Variants in GLIS2 observed in about 807,000 individuals in gnomAD.
The protein encoded by GLIS2 is zinc finger protein GLIS2.
In GLIS2, 14 loss-of-function variants were observed where a neutral mutation model predicts 35.6. That is an observed-to-expected ratio of 0.39 (90% CI 0.26 to 0.61). The LOEUF is 0.61. GLIS2 is among the 20% of genes least tolerant of loss of function. The pLI is 0.48. For synonymous variants in GLIS2, 368 were observed against 325.1 expected (o/e 1.13, Z -1.42); for missense variants, 675 against 713.4 (o/e 0.95, Z 0.61).
chr16:4,322,629 C>CA (rs2053390145), intron 1 of GLIS2, among the ~76,000 whole-genome samples: 1 of 152,036 alleles, frequency 6.6e-6, no homozygotes, highest in Admixed American at 6.5e-5. Flanking sequence ...CAGCCCCCCC[C>CA]CTACACTGTT....
rs2141120096 is a variant in GLIS2, at chr16:4,320,010, G to C, written c.-67+3756G>C. ...ATCTGCCCCAGCAGCCCCTGCTGGG[G>C]GATGGGTGGGGGCTGAGACTCTTCC... On this transcript the variant is annotated intron_variant, in intron 1 of 6. Coordinates refer to ENST00000433375, the MANE Select transcript of GLIS2 (RefSeq NM_032575.3). This position sits in a 1 kb window ranked among gnomAD's most constrained non-coding sequence, Gnocchi z 5.6. Among the ~76,000 whole-genome samples the C allele has an allele frequency of 6.6e-6, 1 of 151,964 alleles. No homozygotes were observed. Among genetic ancestry groups the C allele is most frequent in the African/African-American group, 2.4e-5 (1 of 41,490 alleles).
At chr16:4,323,470 G>C (rs2053398796) in intron 1 of GLIS2, among the ~76,000 whole-genome samples, 1 of 152,124 alleles carries the variant, frequency 6.6e-6, no homozygotes, top group African/African-American at 2.4e-5. Flanking sequence ...CGGGGGGGTG[G>C]AGGCCACTGC....
intron 1 of GLIS2, among the ~76,000 whole-genome samples, chr16:4,321,192 G>C (rs910596987): frequency 6.6e-6 from 1 of 152,148 alleles, no homozygotes; most frequent in Non-Finnish European, 1.5e-5. Flanking sequence ...ATGGAGCTGG[G>C]GGGGATCTGG....
chr16:4,329,807 A>C (rs1401661675), intron 1 of GLIS2, among the ~76,000 whole-genome samples: 1 of 152,248 alleles, frequency 6.6e-6, no homozygotes, highest in Non-Finnish European at 1.5e-5. Flanking sequence ...TCACAGCGTG[A>C]TTGTGCGGCA....
At chr16:4,327,725 G>C (rs2053449263) in intron 1 of GLIS2, among the ~76,000 whole-genome samples, 1 of 151,772 alleles carries the variant, frequency 6.6e-6, no homozygotes, top group South Asian at 2.1e-4. Context: ...GAAGGGCAGG[G>C]CCCGGTCCCC....
intron 6 of GLIS2, chr16:4,336,230 T>C: frequency 3.7e-6 from 1 of 272,198 alleles, no homozygotes; most frequent in Non-Finnish European, 7.3e-6. Context: ...CACTGCAACC[T>C]CTGCCTCCCA....
At position 4,335,087 on chromosome 16, in the gene GLIS2, G is replaced by C. The variant is rs1304012061; in HGVS notation, c.550G>C (p.Asp184His). 2 of 1,613,502 alleles carry C rather than the reference G, an allele frequency of 1.2e-6. No homozygotes were observed. Among genetic ancestry groups the C allele is most frequent in the East Asian group, 2.2e-5 (1 of 44,886 alleles). Residue 184 changes from aspartate (D) to histidine (H), a missense_variant, in exon 5 of 7, where the codon GAC becomes CAC. Coordinates refer to ENST00000433375, the MANE Select transcript of GLIS2 (RefSeq NM_032575.3). This position sits in a 1 kb window ranked among gnomAD's most constrained non-coding sequence, Gnocchi z 4.6. ...KCNQLFELLQ[D>H]LVDHVNDYHV... is the part of the protein sequence containing the mutation. ...TAACCAGCTCTTTGAGCTCCTGCAA[G>C]ACCTGGTGGACCATGTCAACGATTA...
chr16:4,330,853 C>T (rs146113194), intron 1 of GLIS2, among the ~76,000 whole-genome samples: 158 of 152,330 alleles, frequency 1.0e-3, no homozygotes, highest in African/African-American at 3.6e-3. Context: ...ATCTCTGCAG[C>T]GCTGTGACAT....
chr16:4,334,106 CT>C (rs1315648324), intron 3 of GLIS2, among the ~76,000 whole-genome samples: 2 of 151,816 alleles, frequency 1.3e-5, no homozygotes, highest in African/African-American at 4.8e-5. Flanking sequence ...CACCTGGCTA[CT>C]TTTGTATTTT....
rs1239002390 is a variant in GLIS2, at chr16:4,326,778, C to T, written c.-66-5437C>T. On this transcript the variant is annotated intron_variant, in intron 1 of 6. Transcript: ENST00000433375. ...CTATTTTTTTTTTTTTTTTTTTTTCCGAGATGGAGTCTCACTCCGTCGCCC... is the reference window on the plus strand; with the variant it reads ...CTATTTTTTTTTTTTTTTTTTTTTCTGAGATGGAGTCTCACTCCGTCGCCC... 5.0e-5 allele frequency among the ~76,000 whole-genome samples: 6 copies of T among 120,056 alleles called. No individual in the cohort carries two copies. In the East Asian group the frequency reaches 9.5e-4, roughly 19 times the overall value. The allele number at this position is 120,056 out of a possible 152,430, so 78.8% of individuals were successfully genotyped here. A position where few individuals can be genotyped will look rare whatever the true frequency, so the allele number is the denominator to read the frequency against.
chr16:4,336,480 C>T, intron 6 of GLIS2: 1 of 618,048 alleles, frequency 1.6e-6, no homozygotes. Flanking sequence ...AAAGGCACAT[C>T]CTCTGTAGCA....
At chr16:4,324,553 T>G (rs1193177882) in intron 1 of GLIS2, 1 of 152,478 alleles carries the variant, frequency 6.6e-6, no homozygotes, top group Non-Finnish European at 1.5e-5. Context: ...TGGTTCAGGG[T>G]GAGACTGCAG....
intron 1 of GLIS2, chr16:4,324,670 A>G (rs1266754880): frequency 6.6e-6 from 1 of 152,290 alleles, no homozygotes; most frequent in African/African-American, 2.4e-5. Flanking sequence ...AGCACGTTTT[A>G]TTAAGCACCT....
intron 1 of GLIS2, among the ~76,000 whole-genome samples, chr16:4,319,745 A>C (rs965909279): frequency 1.3e-5 from 2 of 151,776 alleles, no homozygotes; most frequent in African/African-American, 4.8e-5. Context: ...CTGGAGAGGG[A>C]TCATGGTGAT....
rs756936480 is a variant in GLIS2 at position 4,332,916 on chromosome 16, T to C, written c.173-431T>C. 3.9e-5 allele frequency among the ~76,000 whole-genome samples: 6 copies of C among 152,070 alleles called. No individual in the cohort carries two copies. The highest frequency in any genetic ancestry group is 8.8e-5 in the Non-Finnish European group (6 of 68,006). ...GTCACCCGAAAACCAGATTCACCGC[T>C]TGTCTGAAGGGGAAGGCTATGGGAG... On this transcript the variant is annotated intron_variant, in intron 2 of 6. Transcript: ENST00000433375. This position sits in a 1 kb window ranked among gnomAD's most constrained non-coding sequence, Gnocchi z 5.4.
At chr16:4,322,689 G>C (rs1001055176) in intron 1 of GLIS2, among the ~76,000 whole-genome samples, 1 of 150,350 alleles carries the variant, frequency 6.7e-6, no homozygotes, top group Admixed American at 6.8e-5. Flanking sequence ...GTTCGATCTA[G>C]CAGGGCCTGG....
chr16:4,335,317 G>A lies in GLIS2; in HGVS notation c.699G>A (p.Lys233=), dbSNP rs913508913. 6.2e-7 allele frequency: 1 copy of A among 1,613,732 alleles called. No homozygotes were observed. The highest frequency in any genetic ancestry group is 8.5e-7 in the Non-Finnish European group (1 of 1,180,038). ...LIHIRTHTNE[K]PHRCPTCSKS... ...ACATCCGCACACACACCAACGAGAA[G>A]CCACACCGCTGTCCGACCTGCAGCA... is the stretch of plus-strand genomic sequence containing the variant. The change falls in exon 6 of 7, where the codon AAG becomes AAA. Residue 233 remains lysine (K), a synonymous_variant. Transcript: ENST00000433375. The surrounding 1 kb of genome is among the most constrained non-coding windows in gnomAD (Gnocchi z 4.6).
At chr16:4,315,476 G>A (rs1036600208), upstream of GLIS2, 81 of 152,204 alleles carry the variant, frequency 5.3e-4, no homozygotes, top group African/African-American at 1.9e-3. Flanking sequence ...GGGAGGAGGC[G>A]AGGGGTCCCC....
intron 1 of GLIS2, among the ~76,000 whole-genome samples, chr16:4,318,711 G>C (rs1339353826): frequency 6.6e-6 from 1 of 152,348 alleles, no homozygotes; most frequent in East Asian, 1.9e-4. Flanking sequence ...CCTCCTTCCC[G>C]GCCTGGCCTT....
Sources: allele counts gnomAD v4.1 joint callset (sites outside exome capture counted in the v4.1 genomes callset), GRCh38; gene constraint gnomAD v4.1.1; non-coding constraint Gnocchi (gnomAD v3.1); transcripts MANE v1.5; gene names NCBI Gene and HGNC (gene_info 2026-07-23, HGNC 2026-07-21).